Variants in CHRNG observed in about 807,000 individuals in gnomAD.
CHRNG encodes the protein cholinergic receptor nicotinic gamma subunit.
A neutral mutation model predicts 65.2 loss-of-function variants in CHRNG; 72 were observed. That is an observed-to-expected ratio of 1.10 (90% CI 0.91 to 1.34). The LOEUF is 1.34. CHRNG is among the 40% of genes most tolerant of loss of function. CHRNG has a pLI of 0.00. For missense variants in CHRNG, 637 were observed against 680.1 expected (o/e 0.94, Z 0.70); for synonymous variants, 284 against 290.2 (o/e 0.98, Z 0.22).
At position 232,542,988 on chromosome 2, in the gene CHRNG, C is replaced by A. The variant is rs773121173; in HGVS notation, c.711C>A (p.Ile237=). ...GHQKVVFYLL[I]QRKPLFYVIN... ...AGAAGGTGGTGTTCTACCTGCTCATCCAGCGCAAGCCCCTCTTCTACGTCA... is the reference window on the plus strand; with the variant it reads ...AGAAGGTGGTGTTCTACCTGCTCATACAGCGCAAGCCCCTCTTCTACGTCA... Residue 237 remains isoleucine (I), a synonymous_variant, in exon 7 of 12, where the codon ATC becomes ATA. Coordinates refer to ENST00000651502, the MANE Select transcript of CHRNG (RefSeq NM_005199.5). 1 of 1,614,174 alleles carries A rather than the reference C, an allele frequency of 6.2e-7. No homozygotes were observed. Among genetic ancestry groups the A allele is most frequent in the Non-Finnish European group, 8.5e-7 (1 of 1,179,974 alleles).
rs1233770160 is a variant in CHRNG, at chr2:232,541,144, A to G, written c.351-230A>G. On this transcript the variant is annotated intron_variant, in intron 4 of 11. Coordinates refer to ENST00000651502, the MANE Select transcript of CHRNG (RefSeq NM_005199.5). The surrounding 1 kb of genome is among the most constrained non-coding windows in gnomAD (Gnocchi z 4.0). ...TGATTAAAACAAGAGAGAGTAAGAT[A>G]AGCAGAAATTAGGAGGTGGTGCCTG... Among the ~76,000 whole-genome samples the G allele has an allele frequency of 6.6e-6, 1 of 150,666 alleles. No homozygotes were observed. Among genetic ancestry groups the G allele is most frequent in the Non-Finnish European group, 1.5e-5 (1 of 67,660 alleles).
Position 232,541,219 on chromosome 2 carries a change from T to C in CHRNG, c.351-155T>C, listed in dbSNP as rs1283228554. Among the ~76,000 whole-genome samples the C allele has an allele frequency of 2.0e-5, 3 of 149,310 alleles. No individual in the cohort carries two copies. Among genetic ancestry groups the C allele is most frequent in the South Asian group, 2.1e-4 (1 of 4,696 alleles). The stretch of plus-strand genomic sequence containing the variant: ...TGGCAGGAGGATTGCTGGGGGGACC[T>C]AGTGGTCCGGGTGGGAACCAGTCAG... On this transcript the variant is annotated intron_variant, in intron 4 of 11. Transcript: ENST00000651502. The surrounding 1 kb of genome is among the most constrained non-coding windows in gnomAD (Gnocchi z 4.0).
Position 232,540,790 on chromosome 2 carries a change from A to G in CHRNG, c.350+79A>G. On this transcript the variant is annotated intron_variant, in intron 4 of 11. Coordinates refer to ENST00000651502, the MANE Select transcript of CHRNG (RefSeq NM_005199.5). The surrounding 1 kb of genome is among the most constrained non-coding windows in gnomAD (Gnocchi z 4.2). ...CCCAGCAGAACAAGGCACTCTGGGAAAAGAGAAAGATGAGCAGAGGGTGCA... is the reference window on the plus strand; with the variant it reads ...CCCAGCAGAACAAGGCACTCTGGGAGAAGAGAAAGATGAGCAGAGGGTGCA... 1 of 1,296,156 alleles carries G rather than the reference A, an allele frequency of 7.7e-7. No individual in the cohort carries two copies. The highest frequency in any genetic ancestry group is 2.5e-5 in the East Asian group (1 of 40,466). The allele number at this position is 1,296,156 out of a possible 1,614,324, so 80.3% of individuals were successfully genotyped here. A position where few individuals can be genotyped will look rare whatever the true frequency, so the allele number is the denominator to read the frequency against.
chr2:232,543,654 C>A lies in CHRNG; in HGVS notation c.990C>A (p.Ser330=). ...VVNAVVVLNV[S]LRSPHTHSMA... is the part of the protein sequence containing the mutation. ...ATGCTGTGGTTGTGCTCAATGTCTC[C>A]TTGCGGTCTCCACACACACACTCCA... Residue 330 remains serine, a synonymous_variant, in exon 9 of 12, where the codon TCC becomes TCA. Transcript: ENST00000651502. 6.2e-7 allele frequency: 1 copy of A among 1,613,914 alleles called. No individual in the cohort carries two copies.
Position 232,547,992 on chromosome 2 carries a change from A to G in CHRNG, c.*2276A>G. ...GAATGTTTTTGGTTTCCCAATGCATATAAAAGTTATGTTTACACTATACTG... is the reference window on the plus strand; with the variant it reads ...GAATGTTTTTGGTTTCCCAATGCATGTAAAAGTTATGTTTACACTATACTG... On this transcript the variant is annotated 3_prime_UTR_variant, in exon 12 of 12. Transcript: ENST00000651502. 2.2e-6 allele frequency: 1 copy of G among 454,064 alleles called. No individual in the cohort carries two copies. Among genetic ancestry groups the G allele is most frequent in the African/African-American group, 2.0e-5 (1 of 49,304 alleles). 28.1% of individuals were successfully genotyped at this position (454,064 alleles called of 1,614,324 possible). A position where few individuals can be genotyped will look rare whatever the true frequency, so the allele number is the denominator to read the frequency against.
At chr2:232,542,549 A>T (rs1692039616) in intron 6 of CHRNG, 29 bp downstream of exon 6, 1 of 1,480,688 alleles carries the variant, frequency 6.8e-7, no homozygotes, top group Admixed American at 1.7e-5. Flanking sequence ...CTCCCCAGGC[A>T]GCCTCATCCA....
In CHRNG at chr2:232,540,326, G is replaced by A; in HGVS notation, c.196-55G>A. On this transcript the variant is annotated intron_variant, in intron 2 of 11. Coordinates refer to ENST00000651502, the MANE Select transcript of CHRNG (RefSeq NM_005199.5). The surrounding 1 kb of genome is among the most constrained non-coding windows in gnomAD (Gnocchi z 4.2). ...CTTGGCCCCATTGGTGGCCTGTGGG[G>A]ACTGGCACTGAAGTCGGGGGCTGAG... 3.7e-6 allele frequency: 6 copies of A among 1,610,486 alleles called. No individual in the cohort carries two copies. The highest frequency in any genetic ancestry group is 5.1e-6 in the Non-Finnish European group (6 of 1,176,732).
Position 232,544,570 on chromosome 2 carries a change from G to A in CHRNG, c.1239G>A (p.Leu413=). ...WQRQGLVAAA[L]EKLEKGPELG... is the part of the protein sequence containing the mutation. Reference sequence around the variant, plus strand: ...GGCAAGGGCTGGTGGCGGCAGCGCTGGAGAAGCTAGGTGAGACACACCAGG... The same window carrying A: ...GGCAAGGGCTGGTGGCGGCAGCGCTAGAGAAGCTAGGTGAGACACACCAGG... The change falls in exon 10 of 12, where the codon CTG becomes CTA. Residue 413 remains leucine, a synonymous_variant. Coordinates refer to ENST00000651502, the MANE Select transcript of CHRNG (RefSeq NM_005199.5). 6.2e-7 allele frequency: 1 copy of A among 1,612,802 alleles called. No homozygotes were observed. Among genetic ancestry groups the A allele is most frequent in the Non-Finnish European group, 8.5e-7 (1 of 1,179,480 alleles).
At position 232,544,829 on chromosome 2, in the gene CHRNG, C is replaced by T. The variant is rs1692094450; in HGVS notation, c.1307C>T (p.Pro436Leu). 8 of 1,613,894 alleles carry T rather than the reference C, an allele frequency of 5.0e-6. No homozygotes were observed. The highest frequency in any genetic ancestry group is 6.8e-6 in the Non-Finnish European group (8 of 1,179,990). ...QFCGSLKQAA[P>L]AIQACVEACN... ...TGTGGCAGCCTGAAGCAGGCTGCCCCAGCCATCCAGGCCTGTGTGGAAGCC... is the reference window on the plus strand; with the variant it reads ...TGTGGCAGCCTGAAGCAGGCTGCCCTAGCCATCCAGGCCTGTGTGGAAGCC... Residue 436 changes from proline (P) to leucine (L), a missense_variant, in exon 11 of 12, where the codon CCA becomes CTA. Physicochemically the swap from Pro to Leu is moderately conservative, Grantham distance 98. Transcript: ENST00000651502.
chr2:232,545,464 G>A, intron 11 of CHRNG, 79 bp from the exon 12 acceptor site: 1 of 1,307,042 alleles, frequency 7.7e-7, no homozygotes, highest in Non-Finnish European at 1.1e-6. Flanking sequence ...GGGCCTGCTG[G>A]AAGCCCAAGG....
chr2:232,540,214 G>C lies in CHRNG; in HGVS notation c.195+83G>C. The C allele has an allele frequency of 9.9e-6, 16 of 1,610,772 alleles. No homozygotes were observed. The highest frequency in any genetic ancestry group is 1.3e-5 in the Non-Finnish European group (15 of 1,177,356). On this transcript the variant is annotated intron_variant, in intron 2 of 11. Transcript: ENST00000651502. This position sits in a 1 kb window ranked among gnomAD's most constrained non-coding sequence, Gnocchi z 4.2. ...AGCATGGGGTGGCTCCAGCCACCAA[G>C]AGGTTGGAGGGCCCTAAATCGGACA...
chr2:232,543,694 C>T lies in CHRNG; in HGVS notation c.1030C>T (p.Arg344Cys), dbSNP rs554907332. 1.0e-4 allele frequency: 166 copies of T among 1,602,904 alleles called. No individual in the cohort carries two copies. The South Asian group carries it at 1.5e-3, about 14-fold the overall frequency. ...CACACACTCCATGGCCCGAGGGGTCCGCAAGGCAAGGACCCTCCCTGCCCA... is the reference window on the plus strand; with the variant it reads ...CACACACTCCATGGCCCGAGGGGTCTGCAAGGCAAGGACCCTCCCTGCCCA... ...PHTHSMARGV[R>C]KVFLRLLPQL... The change falls in exon 9 of 12, where the codon CGC (arginine) becomes TGC (cysteine). Residue 344 changes from arginine (R) to cysteine (C), a missense_variant. By Grantham distance (180) the Arg-to-Cys change is radical (BLOSUM62 -3). Transcript: ENST00000651502.
At position 232,545,524 on chromosome 2, in the gene CHRNG, A is replaced by G; in HGVS notation, c.1381-19A>G. 3.1e-6 allele frequency: 5 copies of G among 1,612,146 alleles called. No individual in the cohort carries two copies. Among genetic ancestry groups the G allele is most frequent in the Non-Finnish European group, 3.4e-6 (4 of 1,179,434 alleles). ...CTGGTGCCGCCGCTGGTTATCCCACACCTGCCTCCCACCCTCAGGGGAATG... is the reference window on the plus strand; with the variant it reads ...CTGGTGCCGCCGCTGGTTATCCCACGCCTGCCTCCCACCCTCAGGGGAATG... On this transcript the variant is annotated intron_variant, in intron 11 of 11. Transcript: ENST00000651502.
chr2:232,546,008 A>C lies in CHRNG; in HGVS notation c.*292A>C. 1 of 535,036 alleles carries C rather than the reference A, an allele frequency of 1.9e-6. No individual in the cohort carries two copies. The highest frequency in any genetic ancestry group is 3.4e-6 in the Non-Finnish European group (1 of 293,948). The allele number at this position is 535,036 out of a possible 1,614,324, so 33.1% of individuals were successfully genotyped here. A position where few individuals can be genotyped will look rare whatever the true frequency, so the allele number is the denominator to read the frequency against. On this transcript the variant is annotated 3_prime_UTR_variant, in exon 12 of 12. Coordinates refer to ENST00000651502, the MANE Select transcript of CHRNG (RefSeq NM_005199.5). ...CTCAGTGCACTCCCCTCACTTAGGC[A>C]AAGCATTATTCATTCCCATCAGTCT...
chr2:232,544,937 AGT>A, intron 11 of CHRNG, 35 bp downstream of exon 11: 1 of 1,613,198 alleles, frequency 6.2e-7, no homozygotes, highest in Non-Finnish European at 8.5e-7. Context: ...AGGTGGAGTG[AGT>A]ACCTGGGCTT....
chr2:232,540,561 A>G lies in CHRNG; in HGVS notation c.241-41A>G, dbSNP rs767648017. 8.7e-6 allele frequency: 14 copies of G among 1,603,808 alleles called. No individual in the cohort carries two copies. In the East Asian group the frequency reaches 2.5e-4, roughly 28 times the overall value. Reference sequence around the variant, plus strand: ...ATGCCCACTCCTAGGGCTGTGGTGCAGCAGAGGGCAGAGGCCTAGCAACTG... The same window carrying G: ...ATGCCCACTCCTAGGGCTGTGGTGCGGCAGAGGGCAGAGGCCTAGCAACTG... On this transcript the variant is annotated intron_variant, in intron 3 of 11. Coordinates refer to ENST00000651502, the MANE Select transcript of CHRNG (RefSeq NM_005199.5). The surrounding 1 kb of genome is among the most constrained non-coding windows in gnomAD (Gnocchi z 4.2).
chr2:232,541,493 TC>T lies in CHRNG; in HGVS notation c.474del (p.Phe159SerfsTer24). 1 of 1,614,116 alleles carries T rather than the reference TC, an allele frequency of 6.2e-7. No homozygotes were observed. Among genetic ancestry groups the T allele is most frequent in the South Asian group, 1.1e-5 (1 of 91,084 alleles). On this transcript the variant is annotated frameshift_variant, in exon 5 of 12. Transcript: ENST00000651502. LOFTEE classifies it high-confidence loss of function. This position sits in a 1 kb window ranked among gnomAD's most constrained non-coding sequence, Gnocchi z 4.0. ...GCCTGCTCTATCTCAGTCACCTACT[TC>T]CCCTTCGACTGGCAGAACTGCTCCC... ...RSACSISVTY[F>X]PFDWQNCSLI...
chr2:232,544,866 T>G lies in CHRNG; in HGVS notation c.1344T>G (p.Ile448Met), dbSNP rs1170861790. 1.9e-6 allele frequency: 3 copies of G among 1,613,844 alleles called. No individual in the cohort carries two copies. Among genetic ancestry groups the G allele is most frequent in the East Asian group, 2.2e-5 (1 of 44,878 alleles). ...IQACVEACNL[I>M]ACARHQQSHF... ...CCTGTGTGGAAGCCTGCAACCTCAT[T>G]GCCTGTGCCCGGCACCAGCAGAGTC... Residue 448 changes from isoleucine to methionine, a missense_variant, in exon 11 of 12, where the codon ATT becomes ATG. By Grantham distance (10) the Ile-to-Met change is conservative. Transcript: ENST00000651502.
chr2:232,542,592 T>C (rs1289222033), intron 6 of CHRNG, 72 bp downstream of exon 6: 3 of 1,047,000 alleles, frequency 2.9e-6, no homozygotes, highest in Non-Finnish European at 4.5e-6. Context: ...TGGTCAAGGC[T>C]GGACCAAGGT....
Sources: allele counts gnomAD v4.1 joint callset (sites outside exome capture counted in the v4.1 genomes callset), GRCh38; gene constraint gnomAD v4.1.1; non-coding constraint Gnocchi (gnomAD v3.1); transcripts MANE v1.5; gene names NCBI Gene and HGNC (gene_info 2026-07-23, HGNC 2026-07-21).